The following RETREG1 variants were observed in gnomAD, a reference collection of about 807,000 sequenced individuals.
RETREG1 encodes the protein reticulophagy regulator 1.
Under a neutral mutation model 54.8 loss-of-function variants are expected in RETREG1, and 44 were observed. The ratio of observed to expected loss-of-function variants is 0.80; its 90% CI spans 0.63 to 1.03. RETREG1 has a LOEUF of 1.03. Among genes scored for constraint, RETREG1 ranks in the 50% least tolerant of loss-of-function variants. The pLI is 0.00. For synonymous variants in RETREG1, 217 were observed against 238.5 expected, an observed-to-expected ratio of 0.91 and a Z score of 0.83; for missense variants, 554 against 605.1, an observed-to-expected ratio of 0.92 and a Z score of 0.89.
At chr5:16,579,456 GC>G (rs140551882) in intron 1 of RETREG1, among the ~76,000 whole-genome samples, 1 of 152,298 alleles carries the variant, frequency 6.6e-6, no homozygotes, top group Non-Finnish European at 1.5e-5. Flanking sequence ...GGAAGGACTG[GC>G]ACCAATTTAC....
intron 3 of RETREG1, among the ~76,000 whole-genome samples, chr5:16,565,400 A>G (rs935931346): frequency 6.6e-6 from 1 of 152,132 alleles, no homozygotes; most frequent in Non-Finnish European, 1.5e-5. Context: ...GCCTTCTCCA[A>G]CTGAGTGCAT....
chr5:16,528,579 A>AG (rs1740804876), intron 3 of RETREG1, among the ~76,000 whole-genome samples: 1 of 152,150 alleles, frequency 6.6e-6, no homozygotes, highest in Non-Finnish European at 1.5e-5. Flanking sequence ...AGGTGATAGC[A>AG]GGGGGTTCTG....
At position 16,475,080 on chromosome 5, in the gene RETREG1, T is replaced by A; in HGVS notation, c.1155A>T (p.Arg385Ser). ...CTGCTGATTGCGTCTCTTTGCTTGGTCTGTGACCACTGTCCAACTGTTCCT... is the reference window on the plus strand; with the variant it reads ...CTGCTGATTGCGTCTCTTTGCTTGGACTGTGACCACTGTCCAACTGTTCCT... ...RKKEQLDSGH[R>S]PSKETQSAAG... Residue 385 changes from arginine (R) to serine (S), a missense_variant, in exon 9 of 9, where the codon AGA (arginine) becomes AGT (serine). Physicochemically the swap from Arg to Ser is moderately radical, Grantham distance 110 (BLOSUM62 -1). Coordinates refer to ENST00000306320, the MANE Select transcript of RETREG1 (RefSeq NM_001034850.3). 5.6e-6 allele frequency: 9 copies of A among 1,613,978 alleles called. No homozygotes were observed. Among genetic ancestry groups the A allele is most frequent in the Non-Finnish European group, 7.6e-6 (9 of 1,179,918 alleles).
At chr5:16,481,905 C>T (rs1412061503) in intron 4 of RETREG1, among the ~76,000 whole-genome samples, 5 of 151,910 alleles carry the variant, frequency 3.3e-5, no homozygotes, top group Non-Finnish European at 5.9e-5. Flanking sequence ...TTACATTTTT[C>T]GTCATCTTTA....
At chr5:16,501,706 C>G (rs1173955413) in intron 3 of RETREG1, among the ~76,000 whole-genome samples, 1 of 151,668 alleles carries the variant, frequency 6.6e-6, no homozygotes. Flanking sequence ...CCATGCCCAG[C>G]TAATTTTTTT....
chr5:16,545,133 C>G (rs1013914628), intron 3 of RETREG1, among the ~76,000 whole-genome samples: 1 of 152,128 alleles, frequency 6.6e-6, no homozygotes. Flanking sequence ...GTGGAGAGTC[C>G]TGTGAATCAG....
intron 3 of RETREG1, among the ~76,000 whole-genome samples, chr5:16,519,627 C>T (rs1040790793): frequency 1.3e-5 from 2 of 152,176 alleles, no homozygotes; most frequent in African/African-American, 2.4e-5. Context: ...CAAACCAACA[C>T]CCTGAGCCTC....
At chr5:16,608,596 C>T (rs1473176491) in intron 1 of RETREG1, among the ~76,000 whole-genome samples, 3 of 152,206 alleles carry the variant, frequency 2.0e-5, no homozygotes, top group African/African-American at 7.2e-5. Context: ...CTCTCTCAAT[C>T]GATTCACCAA....
Position 16,597,954 on chromosome 5 carries a change from G to A in RETREG1, c.320+18698C>T, listed in dbSNP as rs1378057112. Among the ~76,000 whole-genome samples, 1 of 151,938 alleles carries A rather than the reference G, an allele frequency of 6.6e-6. No homozygotes were observed. The highest frequency in any genetic ancestry group is 1.5e-5 in the Non-Finnish European group (1 of 68,006). ...TAAGGAACTACACTGGAGGGAACTG[G>A]GCAGCCCCTGCTTCTGACTGCACTC... On this transcript the variant is annotated intron_variant, in intron 1 of 8. Transcript: ENST00000306320. This position sits in a 1 kb window ranked among gnomAD's most constrained non-coding sequence, Gnocchi z 4.3.
intron 5 of RETREG1, 46 bp from the exon 6 acceptor site, chr5:16,479,033 A>C (rs1273309323): frequency 1.9e-6 from 3 of 1,593,950 alleles, no homozygotes; most frequent in Non-Finnish European, 2.6e-6. Flanking sequence ...TCCTTTCAAA[A>C]GGCTACGTAC....
chr5:16,479,023 T>G (rs944414345), intron 5 of RETREG1, 36 bp from the exon 6 acceptor site: 1 of 1,605,948 alleles, frequency 6.2e-7, no homozygotes, highest in African/African-American at 1.3e-5. Flanking sequence ...AAAATGCCTT[T>G]CCTTTCAAAA....
At chr5:16,545,859 G>GAGCCA (rs1741372027) in intron 3 of RETREG1, among the ~76,000 whole-genome samples, 1 of 152,188 alleles carries the variant, frequency 6.6e-6, no homozygotes, top group African/African-American at 2.4e-5. Flanking sequence ...TAGCTCTTCA[G>GAGCCA]AGCCACCGTT....
At chr5:16,584,087 G>T (rs1489964638) in intron 1 of RETREG1, among the ~76,000 whole-genome samples, 6 of 151,850 alleles carry the variant, frequency 4.0e-5, no homozygotes, top group Admixed American at 6.6e-5. Context: ...TGGGAGCTAA[G>T]CTATGAGGAC....
At chr5:16,499,275 C>T (rs1234972269) in intron 3 of RETREG1, among the ~76,000 whole-genome samples, 1 of 152,004 alleles carries the variant, frequency 6.6e-6, no homozygotes, top group Non-Finnish European at 1.5e-5. Flanking sequence ...ATTAACATTT[C>T]GTTTACTTCA....
rs79882526 is a variant in RETREG1 at position 16,573,990 on chromosome 5, G to A, written c.321-1888C>T. 4.1e-4 allele frequency among the ~76,000 whole-genome samples: 63 copies of A among 152,214 alleles called. 1 individual carries two copies. Among genetic ancestry groups the A allele is most frequent in the East Asian group, 3.5e-3 (18 of 5,166 alleles). ...TCAAACTCCTGACTTCAGGTGATCC[G>A]CCGGCCTTGGCCTCCCAAAGTGCTG... On this transcript the variant is annotated intron_variant, in intron 1 of 8. Transcript: ENST00000306320.
chr5:16,513,108 G>A (rs982127350), intron 3 of RETREG1, among the ~76,000 whole-genome samples: 5 of 152,252 alleles, frequency 3.3e-5, no homozygotes, highest in African/African-American at 9.6e-5. Flanking sequence ...ACAGAAATAG[G>A]GCTGGGTCTG....
At chr5:16,520,316 G>GTT (rs141707038) in intron 3 of RETREG1, among the ~76,000 whole-genome samples, 46,119 of 144,310 alleles carry the variant, frequency 0.32, 7,201 homozygotes, top group East Asian at 0.39. Context: ...GGGGTTTTGT[G>GTT]GTTTTTTTTT....
At chr5:16,571,166 G>A (rs1038746987) in intron 2 of RETREG1, among the ~76,000 whole-genome samples, 2 of 152,120 alleles carry the variant, frequency 1.3e-5, no homozygotes, top group African/African-American at 4.8e-5. Flanking sequence ...GGAGGAGATG[G>A]GTGCCTCCCA....
At chr5:16,600,103 C>A (rs752119245) in intron 1 of RETREG1, among the ~76,000 whole-genome samples, 1 of 152,156 alleles carries the variant, frequency 6.6e-6, no homozygotes, top group East Asian at 1.9e-4. Context: ...CATGTTCAAG[C>A]GATTCTCCTG....
Sources: gnomAD v4.1 joint callset for allele counts (sites outside exome capture counted in the v4.1 genomes callset) on GRCh38, gnomAD v4.1.1 for gene constraint, Gnocchi (gnomAD v3.1) non-coding constraint, MANE v1.5 for transcripts, NCBI Gene and HGNC (gene_info 2026-07-23, HGNC 2026-07-21) for gene names.